Variants in CD101 observed in about 807,000 individuals in gnomAD.
CD101 encodes CD101 molecule, also known as immunoglobulin superfamily member 2.
In CD101, 76 loss-of-function variants were observed where a neutral mutation model predicts 98.2. That is an observed-to-expected ratio of 0.77 (90% CI 0.64 to 0.94). CD101 has a LOEUF of 0.94. Among genes scored for constraint, CD101 ranks in the 40% least tolerant of loss-of-function variants. The pLI, the probability that CD101 is intolerant of heterozygous loss-of-function variation, is 0.00. For synonymous variants in CD101, 471 were observed against 472.7 expected (o/e 1.00, Z 0.05); for missense variants, 1,145 against 1,218.8 (o/e 0.94, Z 0.90).
chr1:117,025,205 A>T (rs557344191), intron 7 of CD101, among the ~76,000 whole-genome samples: 71 of 152,260 alleles, frequency 4.7e-4, no homozygotes, highest in African/African-American at 1.6e-3. Flanking sequence ...TCTACTAAAA[A>T]TACAAAAATC....
At chr1:117,009,676 AGCAAT>A (rs1434563226) in intron 1 of CD101, among the ~76,000 whole-genome samples, 169 bp from the exon 2 acceptor site, 4 of 152,264 alleles carry the variant, frequency 2.6e-5, no homozygotes, top group Non-Finnish European at 5.9e-5. Flanking sequence ...TAACTCATCA[AGCAAT>A]TCCACTGCTG....
intron 1 of CD101, among the ~76,000 whole-genome samples, chr1:117,002,851 G>A (rs1175409517): frequency 1.3e-5 from 2 of 152,220 alleles, no homozygotes; most frequent in African/African-American, 4.8e-5. Flanking sequence ...GAAGATATCT[G>A]TGGTTGTCTA....
At chr1:117,013,813 G>T (rs200091316) in intron 4 of CD101, 21 bp downstream of exon 4, 1 of 1,592,238 alleles carries the variant, frequency 6.3e-7, no homozygotes, top group South Asian at 1.1e-5. Context: ...TCAAGGCCAG[G>T]CATGCATTGG....
In CD101 at chr1:117,025,722, A is replaced by G. The variant is rs1298562074; in HGVS notation, c.2642A>G (p.His881Arg). 11 of 1,614,184 alleles carry G rather than the reference A, an allele frequency of 6.8e-6. No homozygotes were observed. The highest frequency in any genetic ancestry group is 9.3e-6 in the Non-Finnish European group (11 of 1,180,032). ...LEYGEEGLRR[H>R]LHCYRSSSTD... is the part of the protein sequence containing the mutation. ...TATGGGGAAGAGGGGCTCAGGAGGC[A>G]CCTGCACTGTTACCGTTCATCCTCT... The change falls in exon 8 of 10, where the codon CAC (histidine) becomes CGC (arginine). Residue 881 changes from histidine to arginine, a missense_variant. By Grantham distance (29) the His-to-Arg change is conservative (BLOSUM62 0). Transcript: ENST00000682167.
chr1:117,018,645 A>G lies in CD101; in HGVS notation c.2017+85A>G. ...TTTGGGTAAGTTATAACAATAAAAC[A>G]TAAAATACTTTCTCCCATATTTGTT... On this transcript the variant is annotated intron_variant, in intron 6 of 9. Transcript: ENST00000682167. This position sits in a 1 kb window ranked among gnomAD's most constrained non-coding sequence, Gnocchi z 4.3. 2 of 1,279,760 alleles carry G rather than the reference A, an allele frequency of 1.6e-6. No individual in the cohort carries two copies. Among genetic ancestry groups the G allele is most frequent in the Non-Finnish European group, 1.1e-6 (1 of 932,206 alleles). 79.3% of individuals were successfully genotyped at this position (1,279,760 alleles called of 1,614,324 possible). A position where few individuals can be genotyped will look rare whatever the true frequency, so the allele number is the denominator to read the frequency against.
chr1:117,022,826 G>A lies in CD101; in HGVS notation c.2428+843G>A, dbSNP rs756053124. ...CTGGCCCTTAAGGAGCTCCCAGTCT[G>A]GTGGGACAACAAGGGCAGAACAGCA... On this transcript the variant is annotated intron_variant, in intron 7 of 9. Coordinates refer to ENST00000682167, the MANE Select transcript of CD101 (RefSeq NM_001256106.3). This position sits in a 1 kb window ranked among gnomAD's most constrained non-coding sequence, Gnocchi z 4.8. Among the ~76,000 whole-genome samples the A allele has an allele frequency of 6.6e-6, 1 of 152,214 alleles. No homozygotes were observed. The highest frequency in any genetic ancestry group is 1.5e-5 in the Non-Finnish European group (1 of 68,042).
rs1653670067 is a variant in CD101 at position 117,022,879 on chromosome 1, C to G, written c.2428+896C>G. ...TTGGTTTGGGGTCTCTTCCTGCCCTCTGGCTTCCCTTCTGTATGTTCTTCA... is the reference window on the plus strand; with the variant it reads ...TTGGTTTGGGGTCTCTTCCTGCCCTGTGGCTTCCCTTCTGTATGTTCTTCA... On this transcript the variant is annotated intron_variant, in intron 7 of 9. Transcript: ENST00000682167. The surrounding 1 kb of genome is among the most constrained non-coding windows in gnomAD (Gnocchi z 4.8). Among the ~76,000 whole-genome samples the G allele has an allele frequency of 6.6e-6, 1 of 152,192 alleles. No individual in the cohort carries two copies. The highest frequency in any genetic ancestry group is 2.4e-5 in the African/African-American group (1 of 41,442).
intron 8 of CD101, among the ~76,000 whole-genome samples, chr1:117,030,813 G>A (rs974132060): frequency 1.3e-5 from 2 of 152,234 alleles, no homozygotes; most frequent in Non-Finnish European, 2.9e-5. Context: ...GTGGGGAAGA[G>A]TTGGCAGCCC....
rs558852780 is a variant in CD101 at position 117,004,133 on chromosome 1, T to C, written c.43+2273T>C. On this transcript the variant is annotated intron_variant, in intron 1 of 9. Coordinates refer to ENST00000682167, the MANE Select transcript of CD101 (RefSeq NM_001256106.3). The surrounding 1 kb of genome is among the most constrained non-coding windows in gnomAD (Gnocchi z 4.1). ...CCCAAACTAGCTGCCCTACAAATAA[T>C]GGCCATTAATATGGCAGGGTTTGGG... 6.6e-6 allele frequency among the ~76,000 whole-genome samples: 1 copy of C among 152,298 alleles called. No homozygotes were observed. Among genetic ancestry groups the C allele is most frequent in the African/African-American group, 2.4e-5 (1 of 41,570 alleles).
chr1:117,013,718 CA>C lies in CD101; in HGVS notation c.1155del (p.Arg386AlafsTer20). On this transcript the variant is annotated frameshift_variant, in exon 4 of 10. Transcript: ENST00000682167. LOFTEE classifies it high-confidence loss of function. ...YRCVVAEVMK[T>X]RTGSWQVLQR... Reference sequence around the variant, plus strand: ...TGTGTGGTAGCAGAGGTCATGAAAACACGCACAGGTTCCTGGCAGGTGCTTC... The same window carrying C: ...TGTGTGGTAGCAGAGGTCATGAAAACCGCACAGGTTCCTGGCAGGTGCTTC... The C allele has an allele frequency of 1.2e-6, 2 of 1,614,068 alleles. No individual in the cohort carries two copies. The highest frequency in any genetic ancestry group is 1.7e-6 in the Non-Finnish European group (2 of 1,180,036).
At chr1:117,030,443 G>A (rs1557780138) in intron 8 of CD101, among the ~76,000 whole-genome samples, 5 of 150,290 alleles carry the variant, frequency 3.3e-5, no homozygotes, top group Non-Finnish European at 3.0e-5. Context: ...AAGAAAGAAA[G>A]AGAAAGAAAG....
Position 117,013,646 on chromosome 1 carries a change from C to CT in CD101, c.1083dup (p.Leu362SerfsTer11), listed in dbSNP as rs773522861. ...TCAAAGTTAGGCCCCAAGGCTTTCT[C>CT]TCTCAAGATCTTCTCTCTGGGCCCA... On this transcript the variant is annotated frameshift_variant, in exon 4 of 10. Coordinates refer to ENST00000682167, the MANE Select transcript of CD101 (RefSeq NM_001256106.3). LOFTEE classifies it high-confidence loss of function. 6.2e-6 allele frequency: 10 copies of CT among 1,614,050 alleles called. No homozygotes were observed. The Admixed American group carries it at 1.7e-4, about 27-fold the overall frequency.
At chr1:117,020,955 T>C (rs1003069090) in intron 6 of CD101, among the ~76,000 whole-genome samples, 1 of 152,236 alleles carries the variant, frequency 6.6e-6, no homozygotes, top group Non-Finnish European at 1.5e-5. Flanking sequence ...GAAAAGCTGC[T>C]GGGGTCAAAG....
chr1:117,021,620 A>C lies in CD101; in HGVS notation c.2065A>C (p.Ile689Leu). 3 of 1,604,116 alleles carry C rather than the reference A, an allele frequency of 1.9e-6. No homozygotes were observed. Among genetic ancestry groups the C allele is most frequent in the Non-Finnish European group, 2.5e-6 (3 of 1,176,768 alleles). ...AAGGAGTCAAGTCCAAGAGCTCTCC[A>C]TCAACTCCAACACTGATATAGAATG... ...NSRSQVQELS[I>L]NSNTDIECSI... Residue 689 changes from isoleucine (I) to leucine (L), a missense_variant, in exon 7 of 10, where the codon ATC (isoleucine) becomes CTC (leucine). Transcript: ENST00000682167. The surrounding 1 kb of genome is among the most constrained non-coding windows in gnomAD (Gnocchi z 4.7).
At position 117,009,915 on chromosome 1, in the gene CD101, T is replaced by TA. The variant is rs778470783; in HGVS notation, c.110dup (p.Tyr37Ter). ...AGGACCACTGTTTAGAGCTGAAGGT[T>TA]ACCCAGTCAGCATTGGCTGCAATGT... Reference protein sequence around the residue: ...QKGPLFRAEGYPVSIGCNVTG... With the variant: ...QKGPLFRAEG Residue 37 changes from tyrosine (Y) to a stop codon, truncating the protein, a stop_gained and frameshift_variant, in exon 2 of 10, where the codon TAC (tyrosine) becomes TAAC (stop). Transcript: ENST00000682167. LOFTEE classifies it high-confidence loss of function. 1 of 1,613,992 alleles carries TA rather than the reference T, an allele frequency of 6.2e-7. No homozygotes were observed. Among genetic ancestry groups the TA allele is most frequent in the Non-Finnish European group, 8.5e-7 (1 of 1,179,996 alleles).
chr1:117,029,229 G>GAA (rs1553188359), intron 8 of CD101, among the ~76,000 whole-genome samples: 1 of 56,700 alleles, frequency 1.8e-5, no homozygotes. Context: ...AAGAAAGAAA[G>GAA]AAAGAAAGAA....
rs1652475691 is a variant in CD101 at position 117,005,474 on chromosome 1, T to A, written c.43+3614T>A. Among the ~76,000 whole-genome samples the A allele has an allele frequency of 1.3e-5, 2 of 152,104 alleles. No individual in the cohort carries two copies. Among genetic ancestry groups the A allele is most frequent in the African/African-American group, 4.8e-5 (2 of 41,386 alleles). On this transcript the variant is annotated intron_variant, in intron 1 of 9. Transcript: ENST00000682167. The surrounding 1 kb of genome is among the most constrained non-coding windows in gnomAD (Gnocchi z 4.4). ...ACAGGAGTCTCCTCTGCCTTCAGAG[T>A]CCCCAACCTCTTGGCAGCCTTTGGC... is the stretch of plus-strand genomic sequence containing the variant.
In CD101 at chr1:117,025,602, G is replaced by A; in HGVS notation, c.2522G>A (p.Ser841Asn). The A allele has an allele frequency of 6.2e-7, 1 of 1,613,956 alleles. No homozygotes were observed. The highest frequency in any genetic ancestry group is 8.5e-7 in the Non-Finnish European group (1 of 1,180,026). The change falls in exon 8 of 10, where the codon AGC (serine) becomes AAC (asparagine). Residue 841 changes from serine (S) to asparagine (N), a missense_variant. Physicochemically the swap from Ser to Asn is conservative, Grantham distance 46 (BLOSUM62 1). Coordinates refer to ENST00000682167, the MANE Select transcript of CD101 (RefSeq NM_001256106.3). ...AIRCSLESVG[S>N]SATLYSVMWY... ...CGCTGCAGCCTGGAGAGTGTAGGCA[G>A]CTCAGCCACTCTGTACTCTGTGATG...
rs1557778655 is a variant in CD101 at position 117,029,179 on chromosome 1, GAAAGAAAGAAAGAAA to G, written c.2824+3276_2824+3290del. Among the ~76,000 whole-genome samples the G allele has an allele frequency of 4.6e-3, 447 of 97,300 alleles. 11 individuals are homozygous for G. Among genetic ancestry groups the G allele is most frequent in the Middle Eastern group, 0.017 (4 of 242 alleles). The allele number at this position is 97,300 out of a possible 152,430, so 63.8% of individuals were successfully genotyped here. ...AGAAAGAAAGAAAGAAAGAAAGAAA[GAAAGAAAGAAAGAAA>G]GAAAGAAAGAAAAGAAAGAAAAGAA... On this transcript the variant is annotated intron_variant, in intron 8 of 9. Coordinates refer to ENST00000682167, the MANE Select transcript of CD101 (RefSeq NM_001256106.3).
Sources: gnomAD v4.1 joint callset for allele counts (sites outside exome capture counted in the v4.1 genomes callset) on GRCh38, gnomAD v4.1.1 for gene constraint, Gnocchi (gnomAD v3.1) non-coding constraint, MANE v1.5 for transcripts, NCBI Gene and HGNC (gene_info 2026-07-23, HGNC 2026-07-21) for gene names.